Variants in CNPY1 observed in about 807,000 individuals in gnomAD.
The protein encoded by CNPY1 is protein canopy homolog 1.
In CNPY1, 14 loss-of-function variants were observed where a neutral mutation model predicts 14.4. The observed-to-expected ratio is 0.97, with a 90% CI of 0.64 to 1.52. The LOEUF (loss-of-function observed/expected upper bound fraction) is 1.52, where lower values mean the gene tolerates loss of function less well. CNPY1 is among the 40% of genes most tolerant of loss of function. CNPY1 has a pLI of 0.00. For synonymous variants in CNPY1, 43 were observed against 46.5 expected, an observed-to-expected ratio of 0.92 and a Z score of 0.31; for missense variants, 129 against 131.5, an observed-to-expected ratio of 0.98 and a Z score of 0.09.
intron 2 of CNPY1, among the ~76,000 whole-genome samples, chr7:155,517,887 T>C (rs1253470192): frequency 6.6e-6 from 1 of 152,220 alleles, no homozygotes; most frequent in East Asian, 1.9e-4. Context: ...AAAGGTGCAG[T>C]GTTTTTATTT....
Position 155,508,886 on chromosome 7 carries a change from G to C in CNPY1, c.303+8C>G, listed in dbSNP as rs1796420821. ...TCATACGATTCATCTGCAAGGAAGA[G>C]AGCTTACCGCAAATTTCAAAGGTCT... On this transcript the variant is annotated splice_region_variant and intron_variant, in intron 3 of 4. Transcript: ENST00000636446. 2 of 1,612,784 alleles carry C rather than the reference G, an allele frequency of 1.2e-6. No homozygotes were observed. The highest frequency in any genetic ancestry group is 1.1e-5 in the South Asian group (1 of 90,684).
chr7:155,511,836 A>G lies in CNPY1; in HGVS notation c.100-2739T>C, dbSNP rs555922113. 3.3e-5 allele frequency among the ~76,000 whole-genome samples: 5 copies of G among 152,320 alleles called. No individual in the cohort carries two copies. The South Asian group carries it at 6.2e-4, about 19-fold the overall frequency. On this transcript the variant is annotated intron_variant, in intron 2 of 4. Coordinates refer to ENST00000636446, the MANE Select transcript of CNPY1 (RefSeq NM_001393663.1). ...GAAAAATTTTGATCCTGAAATCCCA[A>G]AGCATCAATTTTTTTGAGAAAGTAT...
intron 2 of CNPY1, among the ~76,000 whole-genome samples, chr7:155,513,273 G>T (rs1796560993): frequency 6.6e-6 from 1 of 152,170 alleles, no homozygotes; most frequent in Non-Finnish European, 1.5e-5. Context: ...AGAAAAAAAT[G>T]AATTGCATCT....
At chr7:155,511,501 C>A (rs1335786751) in intron 2 of CNPY1, among the ~76,000 whole-genome samples, 1 of 152,148 alleles carries the variant, frequency 6.6e-6, no homozygotes, top group African/African-American at 2.4e-5. Flanking sequence ...AAACTTTCTA[C>A]CTACCAGTGG....
intron 2 of CNPY1, among the ~76,000 whole-genome samples, chr7:155,542,382 C>T (rs894045555): frequency 6.6e-6 from 1 of 152,100 alleles, no homozygotes; most frequent in African/African-American, 2.4e-5. Context: ...CATGGGCGGG[C>T]GTAGGGAGCC....
At chr7:155,538,095 T>C (rs1307829160) in intron 2 of CNPY1, among the ~76,000 whole-genome samples, 3 of 152,170 alleles carry the variant, frequency 2.0e-5, no homozygotes, top group Non-Finnish European at 4.4e-5. Flanking sequence ...AATAGGAAAA[T>C]ACCCTTCGGA....
intron 2 of CNPY1, among the ~76,000 whole-genome samples, chr7:155,510,782 A>G (rs1290861945): frequency 6.6e-6 from 1 of 152,266 alleles, no homozygotes; most frequent in African/African-American, 2.4e-5. Flanking sequence ...TAAAACATGC[A>G]AAGAATACGT....
intron 3 of CNPY1, 75 bp from the exon 4 acceptor site, chr7:155,507,191 C>G: frequency 2.3e-6 from 2 of 884,652 alleles, no homozygotes; most frequent in Non-Finnish European, 3.7e-6. Context: ...GACTTTGCAA[C>G]AATTTATTAG....
chr7:155,505,491 A>G (rs1218218372), intron 4 of CNPY1, among the ~76,000 whole-genome samples: 1 of 152,226 alleles, frequency 6.6e-6, no homozygotes, highest in Non-Finnish European at 1.5e-5. Flanking sequence ...GAAGAAAGGT[A>G]GTTAAGATTA....
rs374262226 is a variant in CNPY1 at position 155,536,629 on chromosome 7, C to T, written c.99+9202G>A. On this transcript the variant is annotated intron_variant, in intron 2 of 4. Transcript: ENST00000636446. This position sits in a 1 kb window ranked among gnomAD's most constrained non-coding sequence, Gnocchi z 4.1. ...TGCCTGTAAACATTTCCCACAGAAT[C>T]CTCCATGCTCTCTCTCCCCATCCAC... 6.6e-6 allele frequency among the ~76,000 whole-genome samples: 1 copy of T among 152,164 alleles called. No individual in the cohort carries two copies. Among genetic ancestry groups the T allele is most frequent in the Non-Finnish European group, 1.5e-5 (1 of 68,040 alleles).
At chr7:155,510,839 CAAAT>C (rs1269314118) in intron 2 of CNPY1, among the ~76,000 whole-genome samples, 2 of 152,128 alleles carry the variant, frequency 1.3e-5, no homozygotes, top group Non-Finnish European at 2.9e-5. Flanking sequence ...TTTACAGAAA[CAAAT>C]AATTAAACAC....
At chr7:155,520,494 A>G (rs1796700596) in intron 2 of CNPY1, among the ~76,000 whole-genome samples, 1 of 131,050 alleles carries the variant, frequency 7.6e-6, no homozygotes, top group Admixed American at 9.2e-5. Flanking sequence ...CTGGAGTGTA[A>G]TAGCATGATC....
intron 2 of CNPY1, among the ~76,000 whole-genome samples, chr7:155,531,411 C>A (rs530766510): frequency 1.3e-5 from 2 of 152,174 alleles, no homozygotes; most frequent in African/African-American, 2.4e-5. Flanking sequence ...AGGCTAGCCA[C>A]GACATTTAAG....
At chr7:155,528,886 G>C (rs576276527) in intron 2 of CNPY1, among the ~76,000 whole-genome samples, 1,750 of 152,064 alleles carry the variant, frequency 0.012, 27 homozygotes, top group African/African-American at 0.038. Context: ...TGATGAAACT[G>C]TGTCTCTACT....
chr7:155,528,832 G>A lies in CNPY1; in HGVS notation c.99+16999C>T, dbSNP rs1585325724. Among the ~76,000 whole-genome samples, 2 of 152,146 alleles carry A rather than the reference G, an allele frequency of 1.3e-5. 1 individual carries two copies. Among genetic ancestry groups the A allele is most frequent in the South Asian group, 4.1e-4 (2 of 4,824 alleles). On this transcript the variant is annotated intron_variant, in intron 2 of 4. Coordinates refer to ENST00000636446, the MANE Select transcript of CNPY1 (RefSeq NM_001393663.1). Reference sequence around the variant, plus strand: ...TCCCAGCACTTTGGGAGGCCAAGGTGGGCAGATCACGAGGTCAGGAGATCA... The same window carrying A: ...TCCCAGCACTTTGGGAGGCCAAGGTAGGCAGATCACGAGGTCAGGAGATCA...
intron 3 of CNPY1, 87 bp downstream of exon 3, chr7:155,508,807 A>G: frequency 1.4e-6 from 2 of 1,404,124 alleles, no homozygotes; most frequent in Non-Finnish European, 2.0e-6. Flanking sequence ...TTGAAACTCA[A>G]CCACAACAAG....
rs985615166 is a variant in CNPY1 at position 155,509,163 on chromosome 7, G to A, written c.100-66C>T. On this transcript the variant is annotated intron_variant, in intron 2 of 4. Coordinates refer to ENST00000636446, the MANE Select transcript of CNPY1 (RefSeq NM_001393663.1). ...AATGTTACTTCAAAGACCTTCCGGC[G>A]AGTCCACATGGAAACGCCACACTCT... The A allele has an allele frequency of 8.9e-6, 8 of 896,302 alleles. No homozygotes were observed. In the South Asian group the frequency reaches 9.2e-5, roughly 10 times the overall value. The allele number at this position is 896,302 out of a possible 1,614,324, so 55.5% of individuals were successfully genotyped here. A position where few individuals can be genotyped will look rare whatever the true frequency, so the allele number is the denominator to read the frequency against.
intron 2 of CNPY1, among the ~76,000 whole-genome samples, chr7:155,530,918 C>T (rs1245216011): frequency 6.6e-6 from 1 of 152,208 alleles, no homozygotes; most frequent in East Asian, 1.9e-4. Flanking sequence ...CCTTGGGGAA[C>T]AAAACCATCC....
At position 155,502,920 on chromosome 7, in the gene CNPY1, T is replaced by C; in HGVS notation, c.*148A>G. 1 of 663,920 alleles carries C rather than the reference T, an allele frequency of 1.5e-6. No individual in the cohort carries two copies. Among genetic ancestry groups the C allele is most frequent in the Non-Finnish European group, 2.5e-6 (1 of 397,510 alleles). The allele number at this position is 663,920 out of a possible 1,614,324, so 41.1% of individuals were successfully genotyped here. A position where few individuals can be genotyped will look rare whatever the true frequency, so the allele number is the denominator to read the frequency against. On this transcript the variant is annotated 3_prime_UTR_variant, in exon 5 of 5. Coordinates refer to ENST00000636446, the MANE Select transcript of CNPY1 (RefSeq NM_001393663.1). ...TTGTCATGATGTCAACCAACAGATT[T>C]TCAAAATGAATCATAAACGGAGACA...
Sources: allele counts gnomAD v4.1 joint callset (sites outside exome capture counted in the v4.1 genomes callset), GRCh38; gene constraint gnomAD v4.1.1; non-coding constraint Gnocchi (gnomAD v3.1); transcripts MANE v1.5; gene names NCBI Gene and HGNC (gene_info 2026-07-23, HGNC 2026-07-21).